The following CD38 variants were observed in gnomAD, a reference collection of about 807,000 sequenced individuals.
CD38 encodes ADP-ribosyl cyclase/cyclic ADP-ribose hydrolase 1.
CD38 carries 31 observed loss-of-function variants against 36.3 expected under a neutral mutation model. The observed-to-expected ratio is 0.85, with a 90% CI of 0.64 to 1.15. The LOEUF (loss-of-function observed/expected upper bound fraction) is 1.15. Ranked by LOEUF, CD38 falls within the 50% of genes most tolerant of loss-of-function variation. CD38 has a pLI of 0.00. For synonymous variants in CD38, 131 were observed against 135.2 expected (o/e 0.97, Z 0.22); for missense variants, 380 against 371.9 (o/e 1.02, Z -0.18).
Position 15,848,902 on chromosome 4 carries a change from A to G in CD38, c.*300A>G, listed in dbSNP as rs186201823. ...CCTTTTATGTTATTTATATATTGGTAACATCCTTTCTATTGAAAAATCACC... is the reference window on the plus strand; with the variant it reads ...CCTTTTATGTTATTTATATATTGGTGACATCCTTTCTATTGAAAAATCACC... On this transcript the variant is annotated 3_prime_UTR_variant, in exon 8 of 8. Coordinates refer to ENST00000226279, the MANE Select transcript of CD38 (RefSeq NM_001775.4). 1.3e-5 allele frequency: 3 copies of G among 222,764 alleles called. No homozygotes were observed. The highest frequency in any genetic ancestry group is 1.1e-4 in the Admixed American group (2 of 18,494). The allele number at this position is 222,764 out of a possible 1,614,324, so 13.8% of individuals were successfully genotyped here.
At chr4:15,816,394 A>G in intron 1 of CD38, 117 bp from the exon 2 acceptor site, 6 of 780,260 alleles carry the variant, frequency 7.7e-6, no homozygotes, top group South Asian at 1.9e-5. Flanking sequence ...GATAATATGT[A>G]TGAACTACCT....
chr4:15,814,429 TA>T (rs1262217624), intron 1 of CD38, among the ~76,000 whole-genome samples: 4 of 152,212 alleles, frequency 2.6e-5, no homozygotes, highest in African/African-American at 9.6e-5. Flanking sequence ...TGGTGTGCAG[TA>T]TCTCTTTAGT....
chr4:15,827,016 A>C (rs910460024), intron 3 of CD38, among the ~76,000 whole-genome samples: 2 of 152,316 alleles, frequency 1.3e-5, no homozygotes, highest in Middle Eastern at 6.8e-3. Flanking sequence ...TTATAAATTA[A>C]TAAGAGCTAC....
chr4:15,804,118 A>G (rs936847879), intron 1 of CD38, among the ~76,000 whole-genome samples: 8 of 152,192 alleles, frequency 5.3e-5, no homozygotes, highest in African/African-American at 1.4e-4. Context: ...TAATGAACAT[A>G]TAAGTGCATG....
Position 15,840,514 on chromosome 4 carries a change from A to G in CD38, c.815A>G (p.Gln272Arg), listed in dbSNP as rs1724181871. ...LESIISKRNI[Q>R]FSCKNIYRPD... ...TCGATTATAAGCAAAAGGAATATTC[A>G]ATTTTCCTGCAAGAATATCTACAGG... is the stretch of plus-strand genomic sequence containing the variant. The change falls in exon 7 of 8, where the codon CAA (glutamine) becomes CGA (arginine). Residue 272 changes from glutamine to arginine, a missense_variant. By Grantham distance (43) the Gln-to-Arg change is conservative (BLOSUM62 1). Transcript: ENST00000226279. The G allele has an allele frequency of 1.9e-6, 3 of 1,596,672 alleles. No individual in the cohort carries two copies. The highest frequency in any genetic ancestry group is 2.6e-6 in the Non-Finnish European group (3 of 1,164,720).
chr4:15,815,976 G>C (rs1723586454), intron 1 of CD38, among the ~76,000 whole-genome samples: 1 of 152,128 alleles, frequency 6.6e-6, no homozygotes, highest in Non-Finnish European at 1.5e-5. Flanking sequence ...AGCATGAAGG[G>C]ATGTTGAATT....
intron 1 of CD38, among the ~76,000 whole-genome samples, chr4:15,809,695 T>C (rs1049461640): frequency 3.3e-5 from 5 of 152,148 alleles, no homozygotes; most frequent in African/African-American, 9.7e-5. Flanking sequence ...GAGCTAGTAA[T>C]TGCCGTGACA....
chr4:15,819,657 A>C (rs972533778), intron 2 of CD38, among the ~76,000 whole-genome samples: 1 of 152,192 alleles, frequency 6.6e-6, no homozygotes, highest in Non-Finnish European at 1.5e-5. Flanking sequence ...CAGAGCTTGA[A>C]GAGTATCTTG....
At chr4:15,787,629 G>A (rs1560306283) in intron 1 of CD38, among the ~76,000 whole-genome samples, 1 of 152,168 alleles carries the variant, frequency 6.6e-6, no homozygotes, top group Non-Finnish European at 1.5e-5. Flanking sequence ...TAGGTAAAGC[G>A]GCAGAATGCC....
chr4:15,818,621 C>T (rs562120069), intron 2 of CD38, among the ~76,000 whole-genome samples: 25 of 152,278 alleles, frequency 1.6e-4, no homozygotes, highest in African/African-American at 5.8e-4. Flanking sequence ...GGCATCAGGC[C>T]GGTGCCCCTC....
intron 1 of CD38, among the ~76,000 whole-genome samples, chr4:15,794,200 C>A (rs192601388): frequency 6.6e-6 from 1 of 152,344 alleles, no homozygotes; most frequent in East Asian, 1.9e-4. Flanking sequence ...CATGTTGTAC[C>A]TGCCTGTTAC....
chr4:15,829,454 G>C (rs1723917132), intron 3 of CD38, among the ~76,000 whole-genome samples: 1 of 151,898 alleles, frequency 6.6e-6, no homozygotes, highest in African/African-American at 2.4e-5. Flanking sequence ...ATTGTCTTGG[G>C]CCACACATAA....
intron 1 of CD38, among the ~76,000 whole-genome samples, chr4:15,798,190 C>T (rs1723142193): frequency 6.6e-6 from 1 of 152,204 alleles, no homozygotes; most frequent in Non-Finnish European, 1.5e-5. Context: ...GCCACAGAGC[C>T]TGGCCACTTT....
intron 3 of CD38, among the ~76,000 whole-genome samples, chr4:15,830,455 T>A (rs1205568146): frequency 6.6e-6 from 1 of 152,232 alleles, no homozygotes; most frequent in Non-Finnish European, 1.5e-5. Flanking sequence ...TTCTTTCCTA[T>A]AGAGTTGTTT....
intron 1 of CD38, among the ~76,000 whole-genome samples, chr4:15,791,031 T>G (rs1461157871): frequency 8.3e-5 from 11 of 133,180 alleles, no homozygotes; most frequent in Admixed American, 6.4e-4. Flanking sequence ...AGCCACCCCG[T>G]CCGGGAGGGA....
rs1287955798 is a variant in CD38 at position 15,852,813 on chromosome 4, T to TTTC, written c.*4213_*4214insCTT. 2.1e-5 allele frequency: 3 copies of TTTC among 146,228 alleles called. No homozygotes were observed. The East Asian group carries it at 5.9e-4, about 29-fold the overall frequency. 9.1% of individuals were successfully genotyped at this position (146,228 alleles called of 1,614,324 possible). A position where few individuals can be genotyped will look rare whatever the true frequency, so the allele number is the denominator to read the frequency against. On this transcript the variant is annotated 3_prime_UTR_variant, in exon 8 of 8. Coordinates refer to ENST00000226279, the MANE Select transcript of CD38 (RefSeq NM_001775.4). ...TTCCCTAACGGGGCATTTATTCTTT[T>TTTC]TTTTTTTTTTTTTTGGGAGACGGAG...
intron 1 of CD38, among the ~76,000 whole-genome samples, chr4:15,793,218 C>T (rs1237721064): frequency 1.3e-5 from 2 of 151,972 alleles, no homozygotes; most frequent in East Asian, 1.9e-4. Context: ...GACCTCTCTC[C>T]AGTACTTCTG....
chr4:15,825,130 G>A lies in CD38; in HGVS notation c.499+114G>A, dbSNP rs1723820877. On this transcript the variant is annotated intron_variant, in intron 3 of 7. Transcript: ENST00000226279. ...GGACAGAGCCACAGGCACCCATCCTGATGCCATCTATACTTATATTAGTCC... is the reference window on the plus strand; with the variant it reads ...GGACAGAGCCACAGGCACCCATCCTAATGCCATCTATACTTATATTAGTCC... The A allele has an allele frequency of 8.3e-6, 8 of 968,602 alleles. No homozygotes were observed. The Admixed American group carries it at 1.9e-4, about 23-fold the overall frequency. The allele number at this position is 968,602 out of a possible 1,614,324, so 60.0% of individuals were successfully genotyped here.
chr4:15,824,825 T>A (rs1723813461), intron 2 of CD38, 56 bp from the exon 3 acceptor site: 2 of 1,337,858 alleles, frequency 1.5e-6, no homozygotes, highest in Non-Finnish European at 2.1e-6. Context: ...TGTGGATTAA[T>A]TTTTTTTGAC....
Sources: gnomAD v4.1 joint callset for allele counts (sites outside exome capture counted in the v4.1 genomes callset) on GRCh38, gnomAD v4.1.1 for gene constraint, MANE v1.5 for transcripts, NCBI Gene and HGNC (gene_info 2026-07-23, HGNC 2026-07-21) for gene names.